SYTL2: variants seen among roughly 807,000 people sequenced by gnomAD.
SYTL2 encodes synaptotagmin-like protein 2.
Under a neutral mutation model 198.7 loss-of-function variants are expected in SYTL2, and 165 were observed. The observed-to-expected ratio is 0.83, with a 90% CI of 0.73 to 0.94. The LOEUF (loss-of-function observed/expected upper bound fraction) is 0.94, where lower values mean the gene tolerates loss of function less well. SYTL2 is among the 40% of genes least tolerant of loss of function. The pLI is 0.00. For synonymous variants in SYTL2, 966 were observed against 917.7 expected (o/e 1.05, Z -0.95); for missense variants, 2,835 against 2,582.8 (o/e 1.10, Z -2.12).
chr11:85,789,987 A>AT (rs1487127529), intron 1 of SYTL2, among the ~76,000 whole-genome samples: 4 of 151,634 alleles, frequency 2.6e-5, no homozygotes, highest in South Asian at 2.1e-4. Flanking sequence ...GGATTTTTGG[A>AT]TTTTTTTTCA....
chr11:85,718,696 C>A, intron 10 of SYTL2, 94 bp downstream of exon 10: 1 of 1,116,742 alleles, frequency 9.0e-7, no homozygotes, highest in Non-Finnish European at 1.3e-6. Flanking sequence ...AAATGACGTT[C>A]TTCTGTTTAC....
At chr11:85,707,663 A>C (rs2085415961) in intron 14 of SYTL2, 132 bp from the exon 15 acceptor site, 1 of 636,346 alleles carries the variant, frequency 1.6e-6, no homozygotes, top group African/African-American at 1.8e-5. Flanking sequence ...AGTGAATAAC[A>C]AATTTTCCTA....
chr11:85,789,796 T>C (rs1289840081), intron 1 of SYTL2, among the ~76,000 whole-genome samples: 1 of 152,072 alleles, frequency 6.6e-6, no homozygotes, highest in Non-Finnish European at 1.5e-5. Flanking sequence ...GATCTCTACA[T>C]TAAGCTGTAA....
At chr11:85,698,659 C>G (rs1387917909) in intron 17 of SYTL2, among the ~76,000 whole-genome samples, 1 of 152,114 alleles carries the variant, frequency 6.6e-6, no homozygotes, top group East Asian at 1.9e-4. Context: ...TACCTCAGCC[C>G]TCCCAGAGGA....
chr11:85,695,510 G>C (rs1455468099), intron 19 of SYTL2, among the ~76,000 whole-genome samples, 170 bp from the exon 20 acceptor site: 1 of 152,178 alleles, frequency 6.6e-6, no homozygotes, highest in Non-Finnish European at 1.5e-5. Flanking sequence ...TTGTCTGAGT[G>C]ACTTCATGTT....
intron 16 of SYTL2, among the ~76,000 whole-genome samples, chr11:85,702,175 AG>A (rs1370906398): frequency 6.7e-6 from 1 of 149,684 alleles, no homozygotes; most frequent in Non-Finnish European, 1.5e-5. Context: ...AATAGGGCTC[AG>A]AATCTAGTGG....
chr11:85,789,981 T>C (rs2092706658), intron 1 of SYTL2, among the ~76,000 whole-genome samples: 1 of 152,064 alleles, frequency 6.6e-6, no homozygotes, highest in Non-Finnish European at 1.5e-5. Flanking sequence ...TGTTTGGGAT[T>C]TTTGGATTTT....
At chr11:85,707,372 A>C (rs867422499) in intron 15 of SYTL2, 57 bp downstream of exon 15, 8 of 1,161,742 alleles carry the variant, frequency 6.9e-6, no homozygotes, top group Middle Eastern at 3.9e-4. Flanking sequence ...TACCCAAAGA[A>C]GACATGGTAA....
At chr11:85,778,969 C>T (rs1014823465) in intron 1 of SYTL2, among the ~76,000 whole-genome samples, 1 of 152,006 alleles carries the variant, frequency 6.6e-6, no homozygotes, top group African/African-American at 2.4e-5. Flanking sequence ...TAGAGCCAGA[C>T]CTTGTCTCAA....
Position 85,724,659 on chromosome 11 carries a change from C to G in SYTL2, c.4699G>C (p.Gly1567Arg). The change falls in exon 8 of 20, where the codon GGT (glycine) becomes CGT (arginine). Residue 1567 changes from glycine to arginine, a missense_variant. By Grantham distance (125) the Gly-to-Arg change is moderately radical. Around this residue, in one of 3 missense-constraint regions of SYTL2, gnomAD observed 2,645 missense variants for 2,381.7 expected, o/e 1.11. Transcript: ENST00000359152. ...ATTTCTTTAAGAAGTTTCTCAAAACCAGCATCAAAAGCACTCTCAGTTATT... is the reference window on the plus strand; with the variant it reads ...ATTTCTTTAAGAAGTTTCTCAAAACGAGCATCAAAAGCACTCTCAGTTATT... ...PLITESAFDA[G>R]FEKLLKEITE... 2 of 1,613,752 alleles carry G rather than the reference C, an allele frequency of 1.2e-6. No individual in the cohort carries two copies. Among genetic ancestry groups the G allele is most frequent in the Middle Eastern group, 1.7e-4 (1 of 6,058 alleles).
chr11:85,699,984 T>A (rs1240492002), intron 17 of SYTL2, among the ~76,000 whole-genome samples: 1 of 152,150 alleles, frequency 6.6e-6, no homozygotes, highest in African/African-American at 2.4e-5. Flanking sequence ...CTTATAGCAC[T>A]ATCAATAAGT....
rs1323994332 is a variant in SYTL2, at chr11:85,727,358, C to A, written c.2000G>T (p.Ser667Ile). The change falls in exon 8 of 20, where the codon AGT (serine) becomes ATT (isoleucine). Residue 667 changes from serine (S) to isoleucine (I), a missense_variant. Coordinates refer to ENST00000359152, the MANE Select transcript of SYTL2 (RefSeq NM_206927.4). ...CTTGAGAACACTGTAGGAATAGTTA[C>A]TATTTGAAGGAGATGCCCCATTCCC... ...GKGNGASPSNSNYSYSVLKES... is the reference protein window; with the variant it reads ...GKGNGASPSNINYSYSVLKES... The A allele has an allele frequency of 5.2e-6, 8 of 1,536,108 alleles. No individual in the cohort carries two copies. Among genetic ancestry groups the A allele is most frequent in the African/African-American group, 1.4e-5 (1 of 73,032 alleles).
chr11:85,698,006 C>T lies in SYTL2; in HGVS notation c.6341G>A (p.Gly2114Glu), dbSNP rs1227937938. ...KECLDLPLLRGSHLNSFVKCT... is the reference protein window; with the variant it reads ...KECLDLPLLRESHLNSFVKCT... ...TTTAACAAAAGAATTTAGATGACTT[C>T]CCCTTAGCAGTGGTAGATCAAGGCA... The change falls in exon 18 of 20, where the codon GGA becomes GAA. Residue 2114 changes from glycine to glutamate, a missense_variant. By Grantham distance (98) the Gly-to-Glu change is moderately conservative. This residue lies in a region of SYTL2 where 185 missense variants were observed against 182.1 expected (regional missense o/e 1.02). Coordinates refer to ENST00000359152, the MANE Select transcript of SYTL2 (RefSeq NM_206927.4). The T allele has an allele frequency of 6.2e-7, 1 of 1,613,392 alleles. No individual in the cohort carries two copies. The highest frequency in any genetic ancestry group is 8.5e-7 in the Non-Finnish European group (1 of 1,179,378).
At position 85,748,383 on chromosome 11, in the gene SYTL2, T is replaced by G. The variant is rs1228777306; in HGVS notation, c.142A>C (p.Asn48His). 6.2e-7 allele frequency: 1 copy of G among 1,613,962 alleles called. No homozygotes were observed. Among genetic ancestry groups the G allele is most frequent in the African/African-American group, 1.3e-5 (1 of 74,942 alleles). The change falls in exon 3 of 20, where the codon AAT (asparagine) becomes CAT (histidine). Residue 48 changes from asparagine to histidine, a missense_variant. Physicochemically the swap from Asn to His is moderately conservative, Grantham distance 68. This residue lies in a region of SYTL2 where 2,645 missense variants were observed against 2,381.7 expected (regional missense o/e 1.11). Coordinates refer to ENST00000359152, the MANE Select transcript of SYTL2 (RefSeq NM_206927.4). ...EKIKDDQQLK[N>H]MSGQWFYEAK... ...TCATAAAACCATTGGCCACTCATAT[T>G]CTTCAGCTGCTGGTCATCCTTAATT...
At chr11:85,853,299 C>T in the SYTL2 span, 1 of 441,556 alleles carries the variant, frequency 2.3e-6, no homozygotes, top group Non-Finnish European at 4.5e-6. Context: ...TAGGAGACTC[C>T]ATTTTGTTCT....
chr11:85,844,853 ATCT>A, the SYTL2 span, among the ~76,000 whole-genome samples: 3,232 of 152,110 alleles, frequency 0.021, 39 homozygotes, highest in African/African-American at 0.034. Context: ...AGAGCCTGTA[ATCT>A]TCTGTATGGC....
chr11:85,734,086 A>C lies in SYTL2; in HGVS notation c.1243T>G (p.Ser415Ala). ...SETHQPMTSGSFPINGLHSHS... is the reference protein window; with the variant it reads ...SETHQPMTSGAFPINGLHSHS... ...GAATGCAGCCCATTAATTGGAAAAG[A>C]ACCAGAAGTCATTGGCTGATGTGTT... The change falls in exon 7 of 20, where the codon TCT (serine) becomes GCT (alanine). Residue 415 changes from serine to alanine, a missense_variant. Ser to Ala is a moderately conservative substitution (Grantham distance 99). This residue lies in a region of SYTL2 where 2,645 missense variants were observed against 2,381.7 expected (regional missense o/e 1.11). Transcript: ENST00000359152. The C allele has an allele frequency of 6.2e-7, 1 of 1,614,202 alleles. No individual in the cohort carries two copies. The highest frequency in any genetic ancestry group is 8.5e-7 in the Non-Finnish European group (1 of 1,180,020).
chr11:85,853,184 G>T, the SYTL2 span: 2 of 402,524 alleles, frequency 5.0e-6, no homozygotes, highest in Admixed American at 2.8e-5. Flanking sequence ...ATTGAGAACA[G>T]GCCATGATGA....
rs765687731 is a variant in SYTL2, at chr11:85,704,944, G to A, written c.6103C>T (p.Leu2035=). The A allele has an allele frequency of 2.5e-6, 4 of 1,613,586 alleles. No individual in the cohort carries two copies. The highest frequency in any genetic ancestry group is 1.3e-5 in the African/African-American group (1 of 75,006). ...TCCAAATCAAGTTCCACCTCCCCTAGGAAACTATTGCGCTTAAATGTATCC... is the reference window on the plus strand; with the variant it reads ...TCCAAATCAAGTTCCACCTCCCCTAAGAAACTATTGCGCTTAAATGTATCC... ...HRDTFKRNSF[L]GEVELDLETW... is the part of the protein sequence containing the mutation. The change falls in exon 16 of 20, where the codon CTA becomes TTA. Residue 2035 remains leucine (L), a synonymous_variant. Transcript: ENST00000359152.
Sources: allele counts gnomAD v4.1 joint callset (sites outside exome capture counted in the v4.1 genomes callset), GRCh38; gene constraint gnomAD v4.1.1; regional missense constraint gnomAD v4.1.1; transcripts MANE v1.5; gene names NCBI Gene and HGNC (gene_info 2026-07-23, HGNC 2026-07-21).